STK32A: variants seen among roughly 807,000 people sequenced by gnomAD.
STK32A encodes the protein serine/threonine kinase 32A.
Under a neutral mutation model 53.2 loss-of-function variants are expected in STK32A, and 41 were observed. That is an observed-to-expected ratio of 0.77 (90% CI 0.60 to 1.00). The LOEUF is 1.00. STK32A is among the 50% of genes least tolerant of loss of function. STK32A has a pLI of 0.00. For synonymous variants in STK32A, 166 were observed against 162.8 expected (o/e 1.02, Z -0.15); for missense variants, 458 against 485.8 (o/e 0.94, Z 0.54).
chr5:147,348,728 G>C, intron 6 of STK32A: 1 of 772,848 alleles, frequency 1.3e-6, no homozygotes, highest in Non-Finnish European at 2.4e-6. Context: ...CACTGAATTG[G>C]AGTTTCAGGA....
intron 4 of STK32A, among the ~76,000 whole-genome samples, chr5:147,284,362 C>T (rs1458838431): frequency 6.6e-6 from 1 of 151,922 alleles, no homozygotes; most frequent in East Asian, 1.9e-4. Context: ...ACAAGTATGC[C>T]CACTCTCACT....
chr5:147,313,576 T>G (rs772506844), intron 4 of STK32A, among the ~76,000 whole-genome samples: 1 of 152,174 alleles, frequency 6.6e-6, no homozygotes, highest in Admixed American at 6.5e-5. Flanking sequence ...AAAATGTGTA[T>G]AGAAATCCAA....
At chr5:147,251,107 T>C (rs1015200061) in intron 2 of STK32A, among the ~76,000 whole-genome samples, 2 of 152,114 alleles carry the variant, frequency 1.3e-5, no homozygotes, top group African/African-American at 2.4e-5. Flanking sequence ...GAGCATGTAA[T>C]ATAAATCTAT....
At chr5:147,259,757 T>C (rs1754411650) in intron 2 of STK32A, among the ~76,000 whole-genome samples, 1 of 151,860 alleles carries the variant, frequency 6.6e-6, no homozygotes, top group East Asian at 1.9e-4. Flanking sequence ...CTGCCTCTCT[T>C]TCTCTCTCTC....
chr5:147,308,507 C>A (rs886435272), intron 4 of STK32A, among the ~76,000 whole-genome samples: 3 of 151,454 alleles, frequency 2.0e-5, no homozygotes, highest in Non-Finnish European at 4.4e-5. Flanking sequence ...AGGTTCATTT[C>A]TTCCCTTTCA....
chr5:147,343,232 C>G (rs375600623), intron 6 of STK32A, 189 bp downstream of exon 6: 7 of 760,240 alleles, frequency 9.2e-6, no homozygotes, highest in African/African-American at 8.5e-5. Flanking sequence ...AACAATACAC[C>G]CTTAAATCAC....
At position 147,384,189 on chromosome 5, in the gene STK32A, A is replaced by T. The variant is rs767954257; in HGVS notation, c.*206A>T. 3.5e-6 allele frequency: 5 copies of T among 1,423,390 alleles called. No individual in the cohort carries two copies. Among genetic ancestry groups the T allele is most frequent in the Non-Finnish European group, 4.5e-6 (5 of 1,099,298 alleles). 88.2% of individuals were successfully genotyped at this position (1,423,390 alleles called of 1,614,324 possible). A position where few individuals can be genotyped will look rare whatever the true frequency, so the allele number is the denominator to read the frequency against. On this transcript the variant is annotated 3_prime_UTR_variant, in exon 13 of 13. Transcript: ENST00000397936. Reference sequence around the variant, plus strand: ...TCATTTCACATCAATCAACTGTGTGATCTAGAGCAAGTCACTTAGCCACTT... The same window carrying T: ...TCATTTCACATCAATCAACTGTGTGTTCTAGAGCAAGTCACTTAGCCACTT...
chr5:147,310,637 C>A (rs539278166), intron 4 of STK32A, among the ~76,000 whole-genome samples: 1 of 152,320 alleles, frequency 6.6e-6, no homozygotes, highest in Non-Finnish European at 1.5e-5. Flanking sequence ...CTATGATTGT[C>A]ATGGAGCACA....
At chr5:147,272,204 G>C (rs979366910) in intron 2 of STK32A, among the ~76,000 whole-genome samples, 3 of 152,216 alleles carry the variant, frequency 2.0e-5, no homozygotes, top group Admixed American at 6.5e-5. Context: ...AGCCTCCTGA[G>C]TAGCTGGGAT....
At chr5:147,372,269 C>CT (rs71274369) in intron 9 of STK32A, among the ~76,000 whole-genome samples, 6,248 of 49,480 alleles carry the variant, frequency 0.13, 1,276 homozygotes, top group East Asian at 0.34. Flanking sequence ...TGGGCTTGGC[C>CT]TTTTTTTTTT....
At chr5:147,292,446 C>A (rs1450461590) in intron 4 of STK32A, among the ~76,000 whole-genome samples, 1 of 152,156 alleles carries the variant, frequency 6.6e-6, no homozygotes, top group Non-Finnish European at 1.5e-5. Context: ...TAAGATGTTT[C>A]AATTTTGCTC....
rs768593719 is a variant in STK32A, at chr5:147,324,012, C to G, written c.375C>G (p.Leu125=). The G allele has an allele frequency of 1.9e-6, 3 of 1,611,668 alleles. No homozygotes were observed. In the Admixed American group the frequency reaches 5.0e-5, roughly 27 times the overall value. Residue 125 remains leucine (L), a synonymous_variant, in exon 5 of 13, where the codon CTC becomes CTG. Coordinates refer to ENST00000397936, the MANE Select transcript of STK32A (RefSeq NM_001112724.2). The part of the protein sequence containing the change: ...NVHFKEETVK[L]FICELVMALD... ...ACTTCAAGGAAGAAACAGTGAAGCT[C>G]TTCATCTGTGAGCTGGTCATGGCCC...
chr5:147,307,439 G>A (rs1462550442), intron 4 of STK32A, among the ~76,000 whole-genome samples: 1 of 151,880 alleles, frequency 6.6e-6, no homozygotes, highest in Non-Finnish European at 1.5e-5. Context: ...TGGCCAACAT[G>A]GTGAAACACC....
intron 7 of STK32A, among the ~76,000 whole-genome samples, chr5:147,351,698 T>G (rs553382371): frequency 5.5e-4 from 83 of 152,108 alleles, no homozygotes; most frequent in African/African-American, 2.0e-3. Flanking sequence ...AATACAAAAA[T>G]TAGCTGGGTG....
chr5:147,298,454 G>C (rs1752973024), intron 4 of STK32A, among the ~76,000 whole-genome samples: 2 of 152,106 alleles, frequency 1.3e-5, no homozygotes, highest in African/African-American at 2.4e-5. Flanking sequence ...CCACATTTTG[G>C]CCATTGTCAG....
chr5:147,306,291 C>T (rs956727879), intron 4 of STK32A, among the ~76,000 whole-genome samples: 50 of 152,004 alleles, frequency 3.3e-4, no homozygotes, highest in South Asian at 1.0e-3. Flanking sequence ...ATCTTTCTAT[C>T]GGTTGCCTCT....
intron 4 of STK32A, among the ~76,000 whole-genome samples, chr5:147,320,444 CTTTGA>C (rs1581089485): frequency 2.4e-5 from 2 of 83,844 alleles, no homozygotes; most frequent in South Asian, 3.2e-4. Context: ...TCCTTTCTTT[CTTTGA>C]TTCATTGATT....
intron 2 of STK32A, among the ~76,000 whole-genome samples, chr5:147,261,568 A>G (rs1754573502): frequency 6.6e-6 from 1 of 152,222 alleles, no homozygotes; most frequent in South Asian, 2.1e-4. Context: ...TAGGTAATCA[A>G]AAAAGGTTGC....
At chr5:147,255,181 C>T (rs1057231525) in intron 2 of STK32A, among the ~76,000 whole-genome samples, 1 of 152,176 alleles carries the variant, frequency 6.6e-6, no homozygotes, top group Non-Finnish European at 1.5e-5. Context: ...AACATACTGA[C>T]ATATTAAGTC....
Sources: gnomAD v4.1 joint callset for allele counts (sites outside exome capture counted in the v4.1 genomes callset) on GRCh38, gnomAD v4.1.1 for gene constraint, MANE v1.5 for transcripts, NCBI Gene and HGNC (gene_info 2026-07-23, HGNC 2026-07-21) for gene names.